Variants in TMEM44 observed in about 807,000 individuals in gnomAD.
TMEM44 encodes the protein transmembrane protein 44.
Under a neutral mutation model 47.8 loss-of-function variants are expected in TMEM44, and 43 were observed. That is an observed-to-expected ratio of 0.90 (90% CI 0.70 to 1.16). TMEM44 has a LOEUF of 1.16. Ranked by LOEUF, TMEM44 falls within the 50% of genes most tolerant of loss-of-function variation. The pLI is 0.00. For synonymous variants in TMEM44, 277 were observed against 238.8 expected (o/e 1.16, Z -1.48); for missense variants, 568 against 555.2 (o/e 1.02, Z -0.23).
chr3:194,599,559 AT>A (rs1435664876), intron 9 of TMEM44, among the ~76,000 whole-genome samples: 4 of 142,114 alleles, frequency 2.8e-5, no homozygotes, highest in Non-Finnish European at 6.2e-5. Flanking sequence ...CACTTCGCAA[AT>A]TTTCTTTTCA....
Position 194,588,598 on chromosome 3 carries a change from A to G in TMEM44, c.1218T>C (p.Asn406=), listed in dbSNP as rs758017674. 1 of 1,614,056 alleles carries G rather than the reference A, an allele frequency of 6.2e-7. No homozygotes were observed. The highest frequency in any genetic ancestry group is 8.5e-7 in the Non-Finnish European group (1 of 1,180,024). Residue 406 remains asparagine, a synonymous_variant, in exon 10 of 10, where the codon AAT becomes AAC. Coordinates refer to ENST00000347147, the MANE Select transcript of TMEM44 (RefSeq NM_001011655.3). ...GCACCTGGGATCCCAGTAGCTCCAC[A>G]TTTTCTTTGCTGCCTTCGAGGTTCA... ...EDVNLEGSKE[N]VELLGSQVHQ... is the part of the protein sequence containing the mutation.
At chr3:194,612,857 G>A (rs1715469458) in intron 7 of TMEM44, among the ~76,000 whole-genome samples, 1 of 149,200 alleles carries the variant, frequency 6.7e-6, no homozygotes, top group Admixed American at 6.7e-5. Flanking sequence ...GTAGAGACGG[G>A]GTTTCACTGT....
intron 1 of TMEM44, among the ~76,000 whole-genome samples, chr3:194,630,442 C>T (rs1717676465): frequency 1.8e-5 from 1 of 55,056 alleles, no homozygotes. Context: ...CGTACTGCCT[C>T]CCGAAGGGGC....
intron 1 of TMEM44, among the ~76,000 whole-genome samples, chr3:194,629,196 A>G (rs1717503448): frequency 6.6e-6 from 1 of 151,916 alleles, no homozygotes; most frequent in East Asian, 1.9e-4. Context: ...ACCACTGCAG[A>G]TAACTGCAGA....
At chr3:194,596,609 G>T (rs1291120579) in intron 9 of TMEM44, among the ~76,000 whole-genome samples, 2 of 152,070 alleles carry the variant, frequency 1.3e-5, no homozygotes, top group African/African-American at 2.4e-5. Context: ...CTGACCAACA[G>T]GGAGAAACCC....
At position 194,588,202 on chromosome 3, in the gene TMEM44, G is replaced by A. The variant is rs1298945212; in HGVS notation, c.*327C>T. 4.3e-5 allele frequency: 12 copies of A among 279,648 alleles called. No individual in the cohort carries two copies. The highest frequency in any genetic ancestry group is 1.1e-4 in the African/African-American group (5 of 44,898). 17.3% of individuals were successfully genotyped at this position (279,648 alleles called of 1,614,324 possible). The stretch of plus-strand genomic sequence containing the variant: ...ATTCCTGGAACCTAGCAGGTATTCC[G>A]TTCATGGCTGACTCTCAAGGGAATG... On this transcript the variant is annotated 3_prime_UTR_variant, in exon 10 of 10. Transcript: ENST00000347147.
intron 9 of TMEM44, among the ~76,000 whole-genome samples, chr3:194,595,793 T>C (rs1406157111): frequency 2.0e-5 from 3 of 152,010 alleles, no homozygotes; most frequent in Non-Finnish European, 4.4e-5. Flanking sequence ...GCCAGGCTCA[T>C]TTTTTGTATT....
At chr3:194,590,257 A>G (rs1253494300) in intron 9 of TMEM44, 1 of 152,228 alleles carries the variant, frequency 6.6e-6, no homozygotes, top group African/African-American at 2.4e-5. Context: ...TGATTTACTG[A>G]TAATAACTGA....
At chr3:194,602,223 G>GGCCAGCTGTGTCCC (rs1714213708) in intron 9 of TMEM44, among the ~76,000 whole-genome samples, 1 of 152,254 alleles carries the variant, frequency 6.6e-6, no homozygotes, top group East Asian at 1.9e-4. Flanking sequence ...GTGCTCCAGG[G>GGCCAGCTGTGTCCC]TGCAGGGACA....
intron 5 of TMEM44, among the ~76,000 whole-genome samples, chr3:194,620,998 C>G (rs1328014163): frequency 1.8e-4 from 26 of 144,864 alleles, no homozygotes; most frequent in African/African-American, 4.4e-4. Flanking sequence ...GCACTCCAGT[C>G]TGGGCAACAG....
chr3:194,620,953 G>C (rs1320956063), intron 5 of TMEM44, among the ~76,000 whole-genome samples: 1 of 151,634 alleles, frequency 6.6e-6, no homozygotes, highest in Non-Finnish European at 1.5e-5. Flanking sequence ...TGGAACCCGG[G>C]AGGCAGAGGT....
At chr3:194,620,343 CCT>C (rs1716391093) in intron 5 of TMEM44, among the ~76,000 whole-genome samples, 1 of 151,872 alleles carries the variant, frequency 6.6e-6, no homozygotes, top group Non-Finnish European at 1.5e-5. Flanking sequence ...CAACCTCTTC[CCT>C]GTCTTGGTTC....
chr3:194,620,073 C>T (rs577576546), intron 5 of TMEM44, among the ~76,000 whole-genome samples: 8 of 152,044 alleles, frequency 5.3e-5, no homozygotes, highest in South Asian at 4.2e-4. Context: ...GGTGGATCAC[C>T]GAATGTCAGG....
At chr3:194,605,813 G>A (rs1334648152) in intron 8 of TMEM44, among the ~76,000 whole-genome samples, 1 of 152,210 alleles carries the variant, frequency 6.6e-6, no homozygotes, top group Non-Finnish European at 1.5e-5. Context: ...GTGAGGGGGT[G>A]TCATGGGGCT....
chr3:194,614,386 A>C (rs1715661738), intron 7 of TMEM44, among the ~76,000 whole-genome samples: 1 of 152,194 alleles, frequency 6.6e-6, no homozygotes, highest in Non-Finnish European at 1.5e-5. Flanking sequence ...TTTTTGAAGA[A>C]ATATGAGTGA....
rs930886974 is a variant in TMEM44, at chr3:194,604,240, C to T, written c.1176+47G>A. 22 of 1,555,212 alleles carry T rather than the reference C, an allele frequency of 1.4e-5. No individual in the cohort carries two copies. In the African/African-American group the frequency reaches 1.6e-4, roughly 12 times the overall value. On this transcript the variant is annotated intron_variant, in intron 9 of 9. Coordinates refer to ENST00000347147, the MANE Select transcript of TMEM44 (RefSeq NM_001011655.3). ...CCAAGGAGCACCCAGCAAGTGTCGG[C>T]GAACGATGGCACCCACGCACCCGCC...
chr3:194,617,588 C>T (rs1392859015), intron 5 of TMEM44: 1 of 692,122 alleles, frequency 1.4e-6, no homozygotes, highest in Non-Finnish European at 2.6e-6. Flanking sequence ...CATGACTCAG[C>T]TCTTTACACA....
At chr3:194,594,133 ATCTATC>A (rs1713096237) in intron 9 of TMEM44, among the ~76,000 whole-genome samples, 1 of 143,886 alleles carries the variant, frequency 6.9e-6, no homozygotes, top group African/African-American at 2.6e-5. Flanking sequence ...CTATCTATCT[ATCTATC>A]TATCTATCTA....
At chr3:194,606,462 G>A (rs1168989519) in intron 8 of TMEM44, among the ~76,000 whole-genome samples, 2 of 152,072 alleles carry the variant, frequency 1.3e-5, no homozygotes, top group Admixed American at 6.6e-5. Context: ...ACTGCTAACC[G>A]AGCAGGTACA....
Sources: allele counts gnomAD v4.1 joint callset (sites outside exome capture counted in the v4.1 genomes callset), GRCh38; gene constraint gnomAD v4.1.1; transcripts MANE v1.5; gene names NCBI Gene and HGNC (gene_info 2026-07-23, HGNC 2026-07-21).